Variants in DCUN1D5 observed in about 807,000 individuals in gnomAD.
The protein encoded by DCUN1D5 is DCN1-like protein 5.
DCUN1D5 carries 10 observed loss-of-function variants against 38.3 expected under a neutral mutation model. The observed-to-expected ratio is 0.26, with a 90% CI of 0.16 to 0.44. The LOEUF (loss-of-function observed/expected upper bound fraction) is 0.44, where lower values mean the gene tolerates loss of function less well. DCUN1D5 is among the 20% of genes least tolerant of loss of function. The pLI is 1.00. For missense variants in DCUN1D5, 148 were observed against 275.3 expected (o/e 0.54, Z 3.27); for synonymous variants, 93 against 90.9 (o/e 1.02, Z -0.13).
rs1175205698 is a variant in DCUN1D5, at chr11:103,051,850, T to C, written c.*10509A>G. ...GGCTCTTTCCAGCCTTCCTTACTAG[T>C]CTCCCTGTCCTCAGATTTTCCTGCT... is the stretch of plus-strand genomic sequence containing the variant. On this transcript the variant is annotated 3_prime_UTR_variant, in exon 8 of 8. Transcript: ENST00000260247. 1 of 152,160 alleles carries C rather than the reference T, an allele frequency of 6.6e-6. No individual in the cohort carries two copies. Among genetic ancestry groups the C allele is most frequent in the Non-Finnish European group, 1.5e-5 (1 of 68,078 alleles). 9.4% of individuals were successfully genotyped at this position (152,160 alleles called of 1,614,324 possible). A position where few individuals can be genotyped will look rare whatever the true frequency, so the allele number is the denominator to read the frequency against.
At position 103,073,783 on chromosome 11, in the gene DCUN1D5, G is replaced by C. The variant is rs1479543416; in HGVS notation, c.342-7216C>G. ...CTTGACATCAAAAGTACAATCAAAA[G>C]TACATCAAAACTGAGGCGGGGGCTC... is the stretch of plus-strand genomic sequence containing the variant. On this transcript the variant is annotated intron_variant, in intron 4 of 7. Transcript: ENST00000260247. This position sits in a 1 kb window ranked among gnomAD's most constrained non-coding sequence, Gnocchi z 4.2. 6.6e-6 allele frequency among the ~76,000 whole-genome samples: 1 copy of C among 152,080 alleles called. No individual in the cohort carries two copies. Among genetic ancestry groups the C allele is most frequent in the Non-Finnish European group, 1.5e-5 (1 of 67,982 alleles).
In DCUN1D5 at chr11:103,086,090, C is replaced by G. The variant is rs1316134570; in HGVS notation, c.179-2764G>C. On this transcript the variant is annotated intron_variant, in intron 2 of 7. Transcript: ENST00000260247. This position sits in a 1 kb window ranked among gnomAD's most constrained non-coding sequence, Gnocchi z 4.1. ...TTCAAAACTAAAAGAAAAACACCATCAATTTCCTGATTTCTTTATAACCAT... is the reference window on the plus strand; with the variant it reads ...TTCAAAACTAAAAGAAAAACACCATGAATTTCCTGATTTCTTTATAACCAT... Among the ~76,000 whole-genome samples the G allele has an allele frequency of 2.0e-5, 3 of 152,052 alleles. No homozygotes were observed. The highest frequency in any genetic ancestry group is 4.8e-5 in the African/African-American group (2 of 41,388).
rs1862622939 is a variant in DCUN1D5, at chr11:103,083,559, C to T, written c.179-233G>A. Among the ~76,000 whole-genome samples, 1 of 151,476 alleles carries T rather than the reference C, an allele frequency of 6.6e-6. No homozygotes were observed. The highest frequency in any genetic ancestry group is 6.6e-5 in the Admixed American group (1 of 15,206). On this transcript the variant is annotated intron_variant, in intron 2 of 7. Transcript: ENST00000260247. The surrounding 1 kb of genome is among the most constrained non-coding windows in gnomAD (Gnocchi z 4.4). ...GAAATTAAGAAAATTTAAAAAGCAGCAAAGAAATACTCCATTAGTATCAAT... is the reference window on the plus strand; with the variant it reads ...GAAATTAAGAAAATTTAAAAAGCAGTAAAGAAATACTCCATTAGTATCAAT...
In DCUN1D5 at chr11:103,065,173, A is replaced by G. The variant is rs534360947; in HGVS notation, c.556-796T>C. Among the ~76,000 whole-genome samples, 15 of 150,606 alleles carry G rather than the reference A, an allele frequency of 1.0e-4. No homozygotes were observed. Among genetic ancestry groups the G allele is most frequent in the African/African-American group, 3.7e-4 (15 of 41,000 alleles). Reference sequence around the variant, plus strand: ...TTGTCTCTTTTTTTTTTTTTCTGAGACAGAGTCTCGTTCTGTCACCCAGGC... The same window carrying G: ...TTGTCTCTTTTTTTTTTTTTCTGAGGCAGAGTCTCGTTCTGTCACCCAGGC... On this transcript the variant is annotated intron_variant, in intron 6 of 7. Transcript: ENST00000260247. The surrounding 1 kb of genome is among the most constrained non-coding windows in gnomAD (Gnocchi z 4.6).
intron 2 of DCUN1D5, among the ~76,000 whole-genome samples, chr11:103,084,362 C>A (rs17372721): frequency 0.048 from 7,242 of 152,240 alleles, 221 homozygotes; most frequent in Non-Finnish European, 0.073. Flanking sequence ...GTTACTAGCA[C>A]AACATAAAGT....
rs1400495389 is a variant in DCUN1D5 at position 103,055,096 on chromosome 11, C to T, written c.*7263G>A. 1 of 152,102 alleles carries T rather than the reference C, an allele frequency of 6.6e-6. No individual in the cohort carries two copies. The highest frequency in any genetic ancestry group is 1.5e-5 in the Non-Finnish European group (1 of 67,978). The allele number at this position is 152,102 out of a possible 1,614,324, so 9.4% of individuals were successfully genotyped here. On this transcript the variant is annotated 3_prime_UTR_variant, in exon 8 of 8. Coordinates refer to ENST00000260247, the MANE Select transcript of DCUN1D5 (RefSeq NM_032299.4). ...ATGAAATTCATTTATGTTTCATATA[C>T]ACTTTTTACACATAGCCTGCAGCTA...
intron 4 of DCUN1D5, among the ~76,000 whole-genome samples, chr11:103,080,204 T>G (rs1862522070): frequency 6.6e-6 from 1 of 152,192 alleles, no homozygotes; most frequent in Non-Finnish European, 1.5e-5. Flanking sequence ...TTGAAACAAC[T>G]CATGACTATA....
intron 1 of DCUN1D5, among the ~76,000 whole-genome samples, chr11:103,090,108 A>C (rs1862819383): frequency 6.6e-6 from 1 of 152,168 alleles, no homozygotes; most frequent in Admixed American, 6.5e-5. Flanking sequence ...AACTGAGTAA[A>C]GTAAGAGTAT....
At position 103,077,094 on chromosome 11, in the gene DCUN1D5, G is replaced by T. The variant is rs1005157957; in HGVS notation, c.341+5654C>A. On this transcript the variant is annotated intron_variant, in intron 4 of 7. Transcript: ENST00000260247. The surrounding 1 kb of genome is among the most constrained non-coding windows in gnomAD (Gnocchi z 4.3). ...GGGTGCCTGTAGTCCCAGCTACTCA[G>T]GAGTCTGAAGCAGGGGAATGGCGTG... 6.6e-6 allele frequency among the ~76,000 whole-genome samples: 1 copy of T among 152,128 alleles called. No individual in the cohort carries two copies. The highest frequency in any genetic ancestry group is 1.5e-5 in the Non-Finnish European group (1 of 68,030).
At chr11:103,089,958 TTTCA>T (rs72243995) in intron 1 of DCUN1D5, among the ~76,000 whole-genome samples, 12,045 of 152,112 alleles carry the variant, frequency 0.079, 678 homozygotes, top group African/African-American at 0.16. Context: ...ATAAAATCAT[TTTCA>T]TTGTTTTTCA....
Position 103,078,924 on chromosome 11 carries a change from T to C in DCUN1D5, c.341+3824A>G, listed in dbSNP as rs1196508292. Reference sequence around the variant, plus strand: ...TTCATAGTATCTTGTATTTCCACTCTAGCACATGTCACGTTCTCCTTGGTT... The same window carrying C: ...TTCATAGTATCTTGTATTTCCACTCCAGCACATGTCACGTTCTCCTTGGTT... On this transcript the variant is annotated intron_variant, in intron 4 of 7. Transcript: ENST00000260247. The surrounding 1 kb of genome is among the most constrained non-coding windows in gnomAD (Gnocchi z 4.6). Among the ~76,000 whole-genome samples the C allele has an allele frequency of 3.3e-5, 5 of 152,196 alleles. No individual in the cohort carries two copies. Among genetic ancestry groups the C allele is most frequent in the Non-Finnish European group, 5.9e-5 (4 of 68,030 alleles).
rs938576912 is a variant in DCUN1D5 at position 103,071,358 on chromosome 11, A to G, written c.342-4791T>C. Among the ~76,000 whole-genome samples, 2 of 151,950 alleles carry G rather than the reference A, an allele frequency of 1.3e-5. No homozygotes were observed. The highest frequency in any genetic ancestry group is 3.9e-4 in the East Asian group (2 of 5,194). On this transcript the variant is annotated intron_variant, in intron 4 of 7. Transcript: ENST00000260247. The surrounding 1 kb of genome is among the most constrained non-coding windows in gnomAD (Gnocchi z 4.1). The stretch of plus-strand genomic sequence containing the variant: ...AAATGGGGTATTATTACAGACCCAC[A>G]GCTATCAAAAGCATAGTAAGGGATA...
chr11:103,079,708 CAGG>C (rs1334065478), intron 4 of DCUN1D5, among the ~76,000 whole-genome samples: 2 of 150,838 alleles, frequency 1.3e-5, no homozygotes, highest in Non-Finnish European at 2.9e-5. Flanking sequence ...TACTTGAGCC[CAGG>C]AGATTAGGTT....
At chr11:103,082,690 A>C (rs933882121) in intron 4 of DCUN1D5, 58 bp downstream of exon 4, 110 of 1,132,138 alleles carry the variant, frequency 9.7e-5, no homozygotes, top group Non-Finnish European at 1.4e-4. Context: ...GAAGCACAAA[A>C]TATCAATTAA....
Position 103,064,509 on chromosome 11 carries a change from G to T in DCUN1D5, c.556-132C>A. 3.1e-6 allele frequency: 2 copies of T among 653,532 alleles called. No individual in the cohort carries two copies. The highest frequency in any genetic ancestry group is 3.8e-5 in the African/African-American group (2 of 53,050). The allele number at this position is 653,532 out of a possible 1,614,324, so 40.5% of individuals were successfully genotyped here. On this transcript the variant is annotated intron_variant, in intron 6 of 7. Coordinates refer to ENST00000260247, the MANE Select transcript of DCUN1D5 (RefSeq NM_032299.4). This position sits in a 1 kb window ranked among gnomAD's most constrained non-coding sequence, Gnocchi z 4.5. Reference sequence around the variant, plus strand: ...ACATTTACTATTTTTTTAATTATTTGTGTTTCTAAGAGATTCCTCATGGGC... The same window carrying T: ...ACATTTACTATTTTTTTAATTATTTTTGTTTCTAAGAGATTCCTCATGGGC...
At position 103,052,918 on chromosome 11, in the gene DCUN1D5, G is replaced by A. The variant is rs1861781601; in HGVS notation, c.*9441C>T. ...TGGTTTTTAAAACCTGCTATTCAGAGAGCAAGGAGTTCCTTTGAGGTTTTT... is the reference window on the plus strand; with the variant it reads ...TGGTTTTTAAAACCTGCTATTCAGAAAGCAAGGAGTTCCTTTGAGGTTTTT... On this transcript the variant is annotated 3_prime_UTR_variant, in exon 8 of 8. Transcript: ENST00000260247. 1 of 152,146 alleles carries A rather than the reference G, an allele frequency of 6.6e-6. No homozygotes were observed. Among genetic ancestry groups the A allele is most frequent in the Non-Finnish European group, 1.5e-5 (1 of 68,006 alleles). 9.4% of individuals were successfully genotyped at this position (152,146 alleles called of 1,614,324 possible). A position where few individuals can be genotyped will look rare whatever the true frequency, so the allele number is the denominator to read the frequency against.
chr11:103,088,413 T>C (rs1862768335), intron 2 of DCUN1D5, among the ~76,000 whole-genome samples: 1 of 152,214 alleles, frequency 6.6e-6, no homozygotes, highest in African/African-American at 2.4e-5. Context: ...AAATTCCATA[T>C]ATATTTATGA....
intron 4 of DCUN1D5, among the ~76,000 whole-genome samples, chr11:103,070,968 T>G (rs1862256449): frequency 6.6e-6 from 1 of 152,052 alleles, no homozygotes; most frequent in African/African-American, 2.4e-5. Flanking sequence ...ACCTAAATAA[T>G]CTATGGGAGA....
At chr11:103,072,866 C>T (rs1465177265) in intron 4 of DCUN1D5, among the ~76,000 whole-genome samples, 1 of 151,984 alleles carries the variant, frequency 6.6e-6, no homozygotes, top group East Asian at 1.9e-4. Flanking sequence ...ATGTAACAAA[C>T]CTGCACGTTG....
Sources: allele counts gnomAD v4.1 joint callset (sites outside exome capture counted in the v4.1 genomes callset), GRCh38; gene constraint gnomAD v4.1.1; non-coding constraint Gnocchi (gnomAD v3.1); transcripts MANE v1.5; gene names NCBI Gene and HGNC (gene_info 2026-07-23, HGNC 2026-07-21).